GALNT18: variants seen among roughly 807,000 people sequenced by gnomAD.
The protein encoded by GALNT18 is GalNAc-transferase 18.
A neutral mutation model predicts 69.5 loss-of-function variants in GALNT18; 44 were observed. The observed-to-expected ratio is 0.63, with a 90% CI of 0.50 to 0.81. The LOEUF is 0.81. Among genes scored for constraint, GALNT18 ranks in the 40% least tolerant of loss-of-function variants. The probability of loss-of-function intolerance (pLI) is 0.00; values close to 1 mark genes in which losing one functional copy is unlikely to be tolerated. For synonymous variants in GALNT18, 364 were observed against 318.2 expected (o/e 1.14, Z -1.53); for missense variants, 715 against 810.0 (o/e 0.88, Z 1.42).
intron 1 of GALNT18, among the ~76,000 whole-genome samples, chr11:11,490,588 A>T (rs1187666057): frequency 6.6e-6 from 1 of 152,232 alleles, no homozygotes; most frequent in Non-Finnish European, 1.5e-5. Context: ...TAGAGCACTC[A>T]GCCCAGTCCA....
chr11:11,271,088 C>T lies in GALNT18; in HGVS notation c.*56G>A, dbSNP rs12282251. The stretch of plus-strand genomic sequence containing the variant: ...ACAACCCCACGTGGACAGCAGGCAA[C>T]GTTGCAGCAGGTGCTACACAGTAGC... On this transcript the variant is annotated 3_prime_UTR_variant, in exon 11 of 11. Coordinates refer to ENST00000227756, the MANE Select transcript of GALNT18 (RefSeq NM_198516.3). 0.21 allele frequency: 318,434 copies of T among 1,537,164 alleles called. 33,908 individuals carry two copies. The highest frequency in any genetic ancestry group is 0.25 in the Admixed American group (14,109 of 56,536).
intron 1 of GALNT18, among the ~76,000 whole-genome samples, chr11:11,490,099 C>G (rs1038346113): frequency 6.6e-6 from 1 of 152,050 alleles, no homozygotes; most frequent in African/African-American, 2.4e-5. Flanking sequence ...TGCATTAATG[C>G]CTTTATCATG....
At chr11:11,289,081 T>C (rs1476080921) in intron 10 of GALNT18, among the ~76,000 whole-genome samples, 1 of 152,138 alleles carries the variant, frequency 6.6e-6, no homozygotes, top group Non-Finnish European at 1.5e-5. Flanking sequence ...TTAAAACCTG[T>C]TGCAAGAAAA....
chr11:11,539,845 C>G (rs191541485), intron 1 of GALNT18, among the ~76,000 whole-genome samples: 5 of 152,102 alleles, frequency 3.3e-5, no homozygotes, highest in Admixed American at 1.3e-4. Context: ...AAAAGCAGAT[C>G]GATCAGAAAT....
chr11:11,348,099 C>T (rs543627346), intron 6 of GALNT18, among the ~76,000 whole-genome samples: 4 of 152,092 alleles, frequency 2.6e-5, no homozygotes, highest in Non-Finnish European at 5.9e-5. Flanking sequence ...AAGAGAGGGC[C>T]GGGCATGGTG....
chr11:11,571,110 C>A (rs1045964027), intron 1 of GALNT18, among the ~76,000 whole-genome samples: 1 of 152,202 alleles, frequency 6.6e-6, no homozygotes, highest in Non-Finnish European at 1.5e-5. Flanking sequence ...ACCCTCACAG[C>A]AACCTAATGA....
intron 10 of GALNT18, among the ~76,000 whole-genome samples, chr11:11,275,212 T>A (rs886329643): frequency 1.3e-5 from 2 of 152,230 alleles, no homozygotes; most frequent in African/African-American, 4.8e-5. Flanking sequence ...ATCTGTTGTT[T>A]CCTGACTTTT....
chr11:11,599,461 T>C (rs1859581884), intron 1 of GALNT18, among the ~76,000 whole-genome samples: 1 of 152,044 alleles, frequency 6.6e-6, no homozygotes. Context: ...TCTTTCTTCA[T>C]CCTTTCTCTT....
intron 8 of GALNT18, among the ~76,000 whole-genome samples, chr11:11,329,954 CATA>C: frequency 4.3e-5 from 1 of 23,262 alleles, no homozygotes; most frequent in South Asian, 2.5e-3. Context: ...GTCAAGTTTA[CATA>C]GCCTAGCCAT....
chr11:11,407,266 CCTT>C (rs1457858263), intron 3 of GALNT18, among the ~76,000 whole-genome samples: 1 of 152,188 alleles, frequency 6.6e-6, no homozygotes, highest in Non-Finnish European at 1.5e-5. Context: ...TGACAGTCAT[CCTT>C]CTTTGCAATC....
intron 10 of GALNT18, among the ~76,000 whole-genome samples, chr11:11,280,845 G>A (rs1477374091): frequency 6.6e-6 from 1 of 152,194 alleles, no homozygotes; most frequent in Non-Finnish European, 1.5e-5. Context: ...CTCTCAAACT[G>A]TGGTCCACCT....
intron 6 of GALNT18, chr11:11,352,438 G>T: frequency 1.9e-6 from 3 of 1,614,020 alleles, no homozygotes; most frequent in Non-Finnish European, 2.5e-6. Flanking sequence ...GGCTCCTTCC[G>T]AAAGATCATA....
chr11:11,279,142 C>T (rs1359334790), intron 10 of GALNT18, among the ~76,000 whole-genome samples: 1 of 152,146 alleles, frequency 6.6e-6, no homozygotes, highest in Non-Finnish European at 1.5e-5. Flanking sequence ...AAGTGTGTGG[C>T]ACCTCCTCTC....
chr11:11,316,847 T>C (rs1590032995), intron 9 of GALNT18, among the ~76,000 whole-genome samples: 1 of 152,230 alleles, frequency 6.6e-6, no homozygotes, highest in East Asian at 1.9e-4. Context: ...ATCATCTAAG[T>C]TCCTGCCTCC....
intron 1 of GALNT18, among the ~76,000 whole-genome samples, chr11:11,593,038 CCT>C (rs1285301776): frequency 6.6e-6 from 1 of 152,188 alleles, no homozygotes; most frequent in Non-Finnish European, 1.5e-5. Context: ...GCCTCAGCCT[CCT>C]GAGTAGCTGG....
rs1854839111 is a variant in GALNT18, at chr11:11,415,703, T to A, written c.595+16918A>T. 6.6e-6 allele frequency among the ~76,000 whole-genome samples: 1 copy of A among 152,038 alleles called. No homozygotes were observed. The highest frequency in any genetic ancestry group is 2.4e-5 in the African/African-American group (1 of 41,362). On this transcript the variant is annotated intron_variant, in intron 3 of 10. Transcript: ENST00000227756. The surrounding 1 kb of genome is among the most constrained non-coding windows in gnomAD (Gnocchi z 4.1). Reference sequence around the variant, plus strand: ...AAAACATAGAACAGAAAAGACAGAATCTATCTCCCACCCACACCTATGCGT... The same window carrying A: ...AAAACATAGAACAGAAAAGACAGAAACTATCTCCCACCCACACCTATGCGT...
chr11:11,616,244 G>A lies in GALNT18; in HGVS notation c.235+5115C>T, dbSNP rs1860045372. Among the ~76,000 whole-genome samples the A allele has an allele frequency of 1.3e-5, 2 of 152,134 alleles. No homozygotes were observed. The highest frequency in any genetic ancestry group is 1.3e-4 in the Admixed American group (2 of 15,268). ...ATTAAGTTCTAGAGTAATCAAAGGA[G>A]TACAAATCAAAAGAATAGAGCATTT... On this transcript the variant is annotated intron_variant, in intron 1 of 10. Coordinates refer to ENST00000227756, the MANE Select transcript of GALNT18 (RefSeq NM_198516.3). This position sits in a 1 kb window ranked among gnomAD's most constrained non-coding sequence, Gnocchi z 4.4.
rs1349645174 is a variant in GALNT18 at position 11,541,418 on chromosome 11, C to T, written c.235+79941G>A. Among the ~76,000 whole-genome samples, 1 of 152,156 alleles carries T rather than the reference C, an allele frequency of 6.6e-6. No individual in the cohort carries two copies. Among genetic ancestry groups the T allele is most frequent in the East Asian group, 1.9e-4 (1 of 5,186 alleles). ...CTCTTCAAGTGGTCTCCCAGCCAGTCTCCCTGCCTTCAGCCTCATTCCTCC... is the reference window on the plus strand; with the variant it reads ...CTCTTCAAGTGGTCTCCCAGCCAGTTTCCCTGCCTTCAGCCTCATTCCTCC... On this transcript the variant is annotated intron_variant, in intron 1 of 10. Coordinates refer to ENST00000227756, the MANE Select transcript of GALNT18 (RefSeq NM_198516.3). This position sits in a 1 kb window ranked among gnomAD's most constrained non-coding sequence, Gnocchi z 4.8.
At position 11,558,416 on chromosome 11, in the gene GALNT18, T is replaced by C. The variant is rs114325318; in HGVS notation, c.235+62943A>G. On this transcript the variant is annotated intron_variant, in intron 1 of 10. Coordinates refer to ENST00000227756, the MANE Select transcript of GALNT18 (RefSeq NM_198516.3). ...TACTGCTGAATGCTTGCAAATGCCT[T>C]AGTGTGTGTGCTTCACATTTGTGCA... 5.3e-3 allele frequency among the ~76,000 whole-genome samples: 812 copies of C among 152,312 alleles called. 7 individuals carry two copies. The highest frequency in any genetic ancestry group is 0.019 in the African/African-American group (784 of 41,566).
Sources: gnomAD v4.1 joint callset for allele counts (sites outside exome capture counted in the v4.1 genomes callset) on GRCh38, gnomAD v4.1.1 for gene constraint, Gnocchi (gnomAD v3.1) non-coding constraint, MANE v1.5 for transcripts, NCBI Gene and HGNC (gene_info 2026-07-23, HGNC 2026-07-21) for gene names.